NFASC: variants seen among roughly 807,000 people sequenced by gnomAD.
NFASC encodes neurofascin homolog.
In NFASC, 43 loss-of-function variants were observed where a neutral mutation model predicts 147.5. That is an observed-to-expected ratio of 0.29 (90% confidence interval 0.23 to 0.38). NFASC has a LOEUF of 0.38. NFASC is among the 10% of genes least tolerant of loss of function. The probability of loss-of-function intolerance (pLI) is 1.00; values close to 1 mark genes in which losing one functional copy is unlikely to be tolerated. For synonymous variants in NFASC, 622 were observed against 665.5 expected, an observed-to-expected ratio of 0.93 and a Z score of 1.01; for missense variants, 1,320 against 1,689.0, an observed-to-expected ratio of 0.78 and a Z score of 3.83.
intron 1 of NFASC, among the ~76,000 whole-genome samples, chr1:204,884,615 G>T (rs906439705): frequency 2.6e-5 from 4 of 152,150 alleles, no homozygotes; most frequent in South Asian, 4.1e-4. Flanking sequence ...CCTTGAATAG[G>T]CTACTTACTT....
chr1:204,913,531 A>G (rs1260011581), intron 1 of NFASC, among the ~76,000 whole-genome samples: 1 of 152,240 alleles, frequency 6.6e-6, no homozygotes, highest in African/African-American at 2.4e-5. Flanking sequence ...AGTAGTGTGT[A>G]TGATTGAAGA....
At chr1:205,002,107 A>G (rs1008938893) in intron 26 of NFASC, among the ~76,000 whole-genome samples, 8 of 152,198 alleles carry the variant, frequency 5.3e-5, no homozygotes, top group African/African-American at 1.9e-4. Flanking sequence ...GCACAGGCAC[A>G]CACTTTTTCT....
At chr1:204,961,980 C>T in intron 8 of NFASC, 1 of 691,588 alleles carries the variant, frequency 1.4e-6, no homozygotes, top group Non-Finnish European at 2.6e-6. Flanking sequence ...CGTGTCTTTC[C>T]TTTGCAAAAG....
At chr1:204,892,186 T>G (rs2082541972) in intron 1 of NFASC, among the ~76,000 whole-genome samples, 1 of 152,224 alleles carries the variant, frequency 6.6e-6, no homozygotes, top group Non-Finnish European at 1.5e-5. Flanking sequence ...GAGGACTGTT[T>G]TTGCTAGGTT....
At position 204,974,238 on chromosome 1, in the gene NFASC, C is replaced by A. The variant is rs774424825; in HGVS notation, c.1339C>A (p.Arg447=). The change falls in exon 13 of 30, where the codon CGG becomes AGG. Residue 447 remains arginine, a synonymous_variant. Coordinates refer to ENST00000339876, the MANE Select transcript of NFASC (RefSeq NM_001005388.3). ...GCTCATTCGAGTGATTCTTTACAAC[C>A]GGACGCGGCTGGACTGCCCTTTCTT... is the stretch of plus-strand genomic sequence containing the variant. The part of the protein sequence containing the change: ...NQLIRVILYN[R]TRLDCPFFGS... The A allele has an allele frequency of 9.3e-6, 15 of 1,614,138 alleles. No homozygotes were observed. Among genetic ancestry groups the A allele is most frequent in the Non-Finnish European group, 1.3e-5 (15 of 1,180,014 alleles).
At chr1:204,991,173 G>A in intron 23 of NFASC, 119 bp from the exon 24 acceptor site, 9 of 1,242,424 alleles carry the variant, frequency 7.2e-6, no homozygotes, top group East Asian at 2.5e-5. Context: ...TCTGCATAAG[G>A]TTTGGGCTGG....
intron 1 of NFASC, among the ~76,000 whole-genome samples, chr1:204,911,052 T>A (rs1270616991): frequency 1.3e-5 from 2 of 152,214 alleles, no homozygotes; most frequent in African/African-American, 4.8e-5. Flanking sequence ...CCCCATCAAG[T>A]ATAATGTTAT....
chr1:204,863,944 GA>G (rs2076904163), intron 1 of NFASC, among the ~76,000 whole-genome samples: 2 of 149,842 alleles, frequency 1.3e-5, no homozygotes, highest in African/African-American at 4.9e-5. Context: ...AAGAGAGAGA[GA>G]AAGAGAGAAA....
rs2095389955 is a variant in NFASC at position 204,975,844 on chromosome 1, GCT to G, written c.1706+430_1706+431del. 6.6e-6 allele frequency among the ~76,000 whole-genome samples: 1 copy of G among 152,164 alleles called. No individual in the cohort carries two copies. The highest frequency in any genetic ancestry group is 2.1e-4 in the South Asian group (1 of 4,826). On this transcript the variant is annotated intron_variant, in intron 15 of 29. Transcript: ENST00000339876. This position sits in a 1 kb window ranked among gnomAD's most constrained non-coding sequence, Gnocchi z 4.0. ...CAGAGGGCAGGGTTGATCTGAGCCA[GCT>G]CTCAGCCCTGACTGAACCTGGCATG... is the stretch of plus-strand genomic sequence containing the variant.
intron 1 of NFASC, among the ~76,000 whole-genome samples, chr1:204,867,274 A>G (rs1378383304): frequency 1.3e-5 from 2 of 152,142 alleles, no homozygotes; most frequent in African/African-American, 4.8e-5. Context: ...CCACCCACAC[A>G]GAAACAGAAA....
At chr1:204,889,312 C>T (rs2081941137) in intron 1 of NFASC, among the ~76,000 whole-genome samples, 2 of 152,230 alleles carry the variant, frequency 1.3e-5, no homozygotes, top group African/African-American at 4.8e-5. Flanking sequence ...CTTGTTTCCA[C>T]ATCACCTTCC....
chr1:204,847,447 A>G (rs2075280412), intron 1 of NFASC, among the ~76,000 whole-genome samples: 1 of 152,074 alleles, frequency 6.6e-6, no homozygotes, highest in South Asian at 2.1e-4. Context: ...TTGCTTCCCC[A>G]TGCCCCTCCA....
intron 3 of NFASC, 64 bp from the exon 4 acceptor site, chr1:204,950,493 G>A (rs779069193): frequency 1.5e-5 from 23 of 1,497,408 alleles, no homozygotes; most frequent in South Asian, 1.3e-4. Flanking sequence ...ATGCCTGGGC[G>A]GTTGTGTGCA....
intron 1 of NFASC, among the ~76,000 whole-genome samples, chr1:204,831,278 A>G (rs1160868922): frequency 6.6e-6 from 1 of 151,726 alleles, no homozygotes; most frequent in Non-Finnish European, 1.5e-5. Context: ...ACACGGAGGG[A>G]GAAGCCAGCT....
Position 204,920,757 on chromosome 1 carries a change from C to T in NFASC, c.-91+17C>T. 1 of 1,208,872 alleles carries T rather than the reference C, an allele frequency of 8.3e-7. No homozygotes were observed. The highest frequency in any genetic ancestry group is 1.3e-5 in the South Asian group (1 of 79,294). The allele number at this position is 1,208,872 out of a possible 1,614,324, so 74.9% of individuals were successfully genotyped here. ...GCAGAGAAGGTAAGCAGGACTTGGGCCTGGGGTATGTGTCATTGGAGGGGT... is the reference window on the plus strand; with the variant it reads ...GCAGAGAAGGTAAGCAGGACTTGGGTCTGGGGTATGTGTCATTGGAGGGGT... On this transcript the variant is annotated intron_variant, in intron 2 of 29. Transcript: ENST00000339876.
At position 204,954,283 on chromosome 1, in the gene NFASC, G is replaced by A. The variant is rs759862571; in HGVS notation, c.311G>A (p.Arg104His). Residue 104 changes from arginine (R) to histidine (H), a missense_variant, in exon 6 of 30, where the codon CGC becomes CAC. Arg to His is a conservative substitution (Grantham distance 29). Around this residue, in one of 3 missense-constraint regions of NFASC, gnomAD observed 981 missense variants for 1,289.5 expected, o/e 0.76. Transcript: ENST00000339876. The surrounding 1 kb of genome is among the most constrained non-coding windows in gnomAD (Gnocchi z 5.7). ...TCTGGGACCCTGGTGATTGACTTCC[G>A]CAGTGGCGGGCGGCCGGAGGAATAT... ...RRSGTLVIDFRSGGRPEEYEG... is the reference protein window; with the variant it reads ...RRSGTLVIDFHSGGRPEEYEG... 2.1e-5 allele frequency: 34 copies of A among 1,614,082 alleles called. No homozygotes were observed. The highest frequency in any genetic ancestry group is 1.6e-4 in the Middle Eastern group (1 of 6,082).
At chr1:204,967,790 C>T (rs1169951826) in intron 8 of NFASC, 1 of 155,608 alleles carries the variant, frequency 6.4e-6, no homozygotes, top group Non-Finnish European at 1.4e-5. Context: ...TTTCAGGGTC[C>T]TAAAGAGCAG....
chr1:205,001,195 C>T lies in NFASC; in HGVS notation c.3045C>T (p.Asn1015=), dbSNP rs193160626. ...ESAPDEQSIW[N]VTVLPNSKWA... ...CCCCTGATGAGCAGTCCATATGGAA[C>T]GTCACGGTGCTCCCCAACAGTAAAT... The change falls in exon 26 of 30, where the codon AAC becomes AAT. Residue 1015 remains asparagine, a synonymous_variant. Transcript: ENST00000339876. The T allele has an allele frequency of 6.1e-5, 98 of 1,611,360 alleles. No individual in the cohort carries two copies. In the Admixed American group the frequency reaches 6.9e-4, roughly 11 times the overall value.
At chr1:204,903,614 C>G (rs2085143611) in intron 1 of NFASC, among the ~76,000 whole-genome samples, 1 of 152,206 alleles carries the variant, frequency 6.6e-6, no homozygotes, top group Admixed American at 6.5e-5. Context: ...GTCCTACTTG[C>G]AGGACTGGGG....
Sources: allele counts gnomAD v4.1 joint callset (sites outside exome capture counted in the v4.1 genomes callset), GRCh38; gene constraint gnomAD v4.1.1; regional missense constraint gnomAD v4.1.1; non-coding constraint Gnocchi (gnomAD v3.1); transcripts MANE v1.5; gene names NCBI Gene and HGNC (gene_info 2026-07-23, HGNC 2026-07-21).